The following LAMTOR3 variants were observed in gnomAD, a reference collection of about 807,000 sequenced individuals.
LAMTOR3 encodes the protein late endosomal/lysosomal adaptor, MAPK and MTOR activator 3, also known as ragulator complex protein LAMTOR3.
Under a neutral mutation model 20.3 loss-of-function variants are expected in LAMTOR3, and 14 were observed. The observed-to-expected ratio is 0.69, with a 90% CI of 0.46 to 1.08. LAMTOR3 has a LOEUF of 1.08. LAMTOR3 is among the 50% of genes least tolerant of loss of function. The pLI is 0.00. For missense variants in LAMTOR3, 125 were observed against 143.7 expected, an observed-to-expected ratio of 0.87 and a Z score of 0.67; for synonymous variants, 40 against 49.4, an observed-to-expected ratio of 0.81 and a Z score of 0.80.
At position 99,881,208 on chromosome 4, in the gene LAMTOR3, A is replaced by G. The variant is rs1724820815; in HGVS notation, c.*786T>C. On this transcript the variant is annotated 3_prime_UTR_variant, in exon 7 of 7. Transcript: ENST00000499666. ...AGGACCTATACAGTGCTCAAACTATATTTTTAAAAATACTATTTTATTTTT... is the reference window on the plus strand; with the variant it reads ...AGGACCTATACAGTGCTCAAACTATGTTTTTAAAAATACTATTTTATTTTT... The G allele has an allele frequency of 6.6e-6, 1 of 152,230 alleles. No homozygotes were observed. The highest frequency in any genetic ancestry group is 1.5e-5 in the Non-Finnish European group (1 of 68,044). 9.4% of individuals were successfully genotyped at this position (152,230 alleles called of 1,614,324 possible).
At position 99,878,766 on chromosome 4, in the gene LAMTOR3, A is replaced by G. The variant is rs1217000430; in HGVS notation, c.*3228T>C. On this transcript the variant is annotated 3_prime_UTR_variant, in exon 7 of 7. Transcript: ENST00000499666. ...AAATTAGTTTCACCAATCCTCTGTA[A>G]TTTATTATCTAAAGTGAGACATTGA... is the stretch of plus-strand genomic sequence containing the variant. 2 of 152,138 alleles carry G rather than the reference A, an allele frequency of 1.3e-5. No individual in the cohort carries two copies. Among genetic ancestry groups the G allele is most frequent in the Non-Finnish European group, 2.9e-5 (2 of 68,010 alleles). 9.4% of individuals were successfully genotyped at this position (152,138 alleles called of 1,614,324 possible). A position where few individuals can be genotyped will look rare whatever the true frequency, so the allele number is the denominator to read the frequency against.
Position 99,881,791 on chromosome 4 carries a change from T to C in LAMTOR3, c.*203A>G. ...TTTCTGTGGTATCCCTAGATCTCACTAAATAAGAAAGACCCTACACCAGAA... is the reference window on the plus strand; with the variant it reads ...TTTCTGTGGTATCCCTAGATCTCACCAAATAAGAAAGACCCTACACCAGAA... On this transcript the variant is annotated 3_prime_UTR_variant, in exon 7 of 7. Transcript: ENST00000499666. The C allele has an allele frequency of 5.6e-6, 3 of 537,934 alleles. No homozygotes were observed. The highest frequency in any genetic ancestry group is 4.5e-5 in the South Asian group (2 of 44,590). The allele number at this position is 537,934 out of a possible 1,614,324, so 33.3% of individuals were successfully genotyped here.
In LAMTOR3 at chr4:99,885,679, G is replaced by GA. The variant is rs1193179971; in HGVS notation, c.104-5dup. On this transcript the variant is annotated splice_polypyrimidine_tract_variant and splice_region_variant and intron_variant, in intron 4 of 6. Coordinates refer to ENST00000499666, the MANE Select transcript of LAMTOR3 (RefSeq NM_021970.4). ...TCTGGAGCATTGTCATTTGCCACTA[G>GA]AAAAATAAGTGATTTAAATAAAAAT... The GA allele has an allele frequency of 1.2e-6, 2 of 1,608,700 alleles. No individual in the cohort carries two copies. The highest frequency in any genetic ancestry group is 3.4e-5 in the Admixed American group (2 of 58,718).
Position 99,884,059 on chromosome 4 carries a change from C to T in LAMTOR3, c.301+3G>A, listed in dbSNP as rs200308708. On this transcript the variant is annotated splice_donor_region_variant and intron_variant, in intron 6 of 6. Coordinates refer to ENST00000499666, the MANE Select transcript of LAMTOR3 (RefSeq NM_021970.4). Reference sequence around the variant, plus strand: ...AAGTGATATTTAAGGTCATTAAACACACCTGTATTGGCACTGCTGCTGGCT... The same window carrying T: ...AAGTGATATTTAAGGTCATTAAACATACCTGTATTGGCACTGCTGCTGGCT... The T allele has an allele frequency of 1.3e-6, 2 of 1,593,936 alleles. No individual in the cohort carries two copies. The highest frequency in any genetic ancestry group is 1.3e-5 in the African/African-American group (1 of 74,422).
rs138779745 is a variant in LAMTOR3 at position 99,889,815 on chromosome 4, T to A, written c.44+2185A>T. 5.9e-3 allele frequency among the ~76,000 whole-genome samples: 894 copies of A among 152,344 alleles called. 3 individuals carry two copies. Among genetic ancestry groups the A allele is most frequent in the Non-Finnish European group, 9.6e-3 (653 of 68,034 alleles). On this transcript the variant is annotated intron_variant, in intron 3 of 6. Transcript: ENST00000499666. The stretch of plus-strand genomic sequence containing the variant: ...CCACAAAAATGTTTAGAAAAATTAG[T>A]GCCACCACAGGTAGCTTCTTTTTTT...
intron 3 of LAMTOR3, among the ~76,000 whole-genome samples, chr4:99,890,502 C>A (rs1056759758): frequency 6.6e-6 from 1 of 152,090 alleles, no homozygotes; most frequent in Non-Finnish European, 1.5e-5. Context: ...CAAATCAAAG[C>A]GTATATTCTA....
In LAMTOR3 at chr4:99,885,657, G is replaced by T. The variant is rs1287954817; in HGVS notation, c.122C>A (p.Pro41Gln). Reference sequence around the variant, plus strand: ...GAAACCAGGTCGCAAAGCATGCTCTGGAGCATTGTCATTTGCCACTAGAAA... The same window carrying T: ...GAAACCAGGTCGCAAAGCATGCTCTTGAGCATTGTCATTTGCCACTAGAAA... ...PVIKVANDNA[P>Q]EHALRPGFLS... The change falls in exon 5 of 7, where the codon CCA becomes CAA. Residue 41 changes from proline to glutamine, a missense_variant. Physicochemically the swap from Pro to Gln is moderately conservative, Grantham distance 76 (BLOSUM62 -1). Coordinates refer to ENST00000499666, the MANE Select transcript of LAMTOR3 (RefSeq NM_021970.4). 3.7e-6 allele frequency: 6 copies of T among 1,612,632 alleles called. No homozygotes were observed. In the Admixed American group the frequency reaches 6.7e-5, roughly 18 times the overall value.
At chr4:99,885,160 G>T (rs1243193176) in intron 5 of LAMTOR3, among the ~76,000 whole-genome samples, 1 of 152,134 alleles carries the variant, frequency 6.6e-6, no homozygotes, top group Admixed American at 6.5e-5. Context: ...GAAGGAATTA[G>T]CAGCAAGAGC....
At chr4:99,887,210 T>C in intron 4 of LAMTOR3, 86 bp downstream of exon 4, 1 of 799,372 alleles carries the variant, frequency 1.3e-6, no homozygotes, top group Non-Finnish European at 2.0e-6. Context: ...AATTTTATGT[T>C]TGCCTGCTGT....
At chr4:99,887,456 G>T in intron 3 of LAMTOR3, 102 bp from the exon 4 acceptor site, 2 of 437,848 alleles carry the variant, frequency 4.6e-6, no homozygotes, top group Non-Finnish European at 3.8e-6. Context: ...GCACCTCAAA[G>T]ACATAATAAT....
At chr4:99,884,557 A>C (rs562449128) in intron 5 of LAMTOR3, among the ~76,000 whole-genome samples, 91 of 152,236 alleles carry the variant, frequency 6.0e-4, no homozygotes, top group Admixed American at 7.9e-4. Flanking sequence ...CTTTAAATCA[A>C]CTACCTTCAA....
chr4:99,889,631 G>C (rs1724988360), intron 3 of LAMTOR3, among the ~76,000 whole-genome samples: 1 of 152,206 alleles, frequency 6.6e-6, no homozygotes, highest in Non-Finnish European at 1.5e-5. Context: ...TATCTCTGTA[G>C]GTAATGGTGG....
At position 99,887,332 on chromosome 4, in the gene LAMTOR3, C is replaced by A. The variant is rs1383109377; in HGVS notation, c.67G>T (p.Val23Phe). 2 of 1,552,672 alleles carry A rather than the reference C, an allele frequency of 1.3e-6. No individual in the cohort carries two copies. The highest frequency in any genetic ancestry group is 1.7e-6 in the Non-Finnish European group (2 of 1,143,986). ...GGTACTCCATCTCTATCTGACACAA[C>A]AATGGCATGGAGCCCTTCAACACTA... Reference protein sequence around the residue: ...LPSVEGLHAIVVSDRDGVPVI... With the variant: ...LPSVEGLHAIFVSDRDGVPVI... Residue 23 changes from valine to phenylalanine, a missense_variant, in exon 4 of 7, where the codon GTT becomes TTT. By Grantham distance (50) the Val-to-Phe change is conservative. Around this residue, in one of 3 missense-constraint regions of LAMTOR3, gnomAD observed 99 missense variants for 96.0 expected, o/e 1.03. Coordinates refer to ENST00000499666, the MANE Select transcript of LAMTOR3 (RefSeq NM_021970.4).
chr4:99,886,625 C>G lies in LAMTOR3; in HGVS notation c.103+671G>C, dbSNP rs1724930451. Among the ~76,000 whole-genome samples the G allele has an allele frequency of 1.3e-5, 2 of 152,178 alleles. 1 individual carries two copies. The highest frequency in any genetic ancestry group is 2.9e-5 in the Non-Finnish European group (2 of 68,020). ...AAAATGAAAGAACTACATTAGTTGACTTCTAAACCTCCTTTCATTTCTAAA... is the reference window on the plus strand; with the variant it reads ...AAAATGAAAGAACTACATTAGTTGAGTTCTAAACCTCCTTTCATTTCTAAA... On this transcript the variant is annotated intron_variant, in intron 4 of 6. Transcript: ENST00000499666.
chr4:99,882,151 CAT>C (rs1008705765), intron 6 of LAMTOR3, 84 bp from the exon 7 acceptor site: 1 of 766,072 alleles, frequency 1.3e-6, no homozygotes, highest in Admixed American at 3.0e-5. Context: ...GTCCAAAATA[CAT>C]AGTTACCAAA....
rs2110178751 is a variant in LAMTOR3 at position 99,881,993 on chromosome 4, A to T, written c.*1T>A. On this transcript the variant is annotated 3_prime_UTR_variant, in exon 7 of 7. Transcript: ENST00000499666. ...AGGTACACACTGAAACCACTGTCAGATTAAGAAACTTCCACAACTTGTCTC... is the reference window on the plus strand; with the variant it reads ...AGGTACACACTGAAACCACTGTCAGTTTAAGAAACTTCCACAACTTGTCTC... The T allele has an allele frequency of 6.3e-7, 1 of 1,599,172 alleles. No homozygotes were observed. Among genetic ancestry groups the T allele is most frequent in the East Asian group, 2.3e-5 (1 of 44,316 alleles).
At chr4:99,889,746 A>T (rs1398511900) in intron 3 of LAMTOR3, among the ~76,000 whole-genome samples, 1 of 152,212 alleles carries the variant, frequency 6.6e-6, no homozygotes, top group African/African-American at 2.4e-5. Flanking sequence ...CTGTGAATGT[A>T]CTACTTACCC....
intron 2 of LAMTOR3, 115 bp from the exon 3 acceptor site, chr4:99,892,149 GTGTTTTATCTTTCTCTGTCTGA>G (rs1560722292): frequency 7.1e-7 from 1 of 1,409,178 alleles, no homozygotes; most frequent in African/African-American, 1.5e-5. Flanking sequence ...CTTTCTTGCT[GTGTTTTATCTTTCTCTGTCTGA>G]TTTGGATGTT....
In LAMTOR3 at chr4:99,894,368, G is replaced by A; in HGVS notation, c.-71C>T. The A allele has an allele frequency of 5.5e-6, 1 of 183,170 alleles. No individual in the cohort carries two copies. Among genetic ancestry groups the A allele is most frequent in the Non-Finnish European group, 1.1e-5 (1 of 88,716 alleles). The allele number at this position is 183,170 out of a possible 1,614,324, so 11.3% of individuals were successfully genotyped here. On this transcript the variant is annotated 5_prime_UTR_variant, in exon 1 of 7. Transcript: ENST00000499666. Reference sequence around the variant, plus strand: ...TCTGGGCTGCCTGGTTCTCTCCGCTGTCACTTCAGGGACAGCTTTAAAGAC... The same window carrying A: ...TCTGGGCTGCCTGGTTCTCTCCGCTATCACTTCAGGGACAGCTTTAAAGAC...
Sources: allele counts gnomAD v4.1 joint callset (sites outside exome capture counted in the v4.1 genomes callset), GRCh38; gene constraint gnomAD v4.1.1; regional missense constraint gnomAD v4.1.1; transcripts MANE v1.5; gene names NCBI Gene and HGNC (gene_info 2026-07-23, HGNC 2026-07-21).